ACOXL: variants seen among roughly 807,000 people sequenced by gnomAD.
The protein encoded by ACOXL is acyl-coenzyme A oxidase-like protein.
Under a neutral mutation model 71.9 loss-of-function variants are expected in ACOXL, and 70 were observed. That is an observed-to-expected ratio of 0.97 (90% CI 0.80 to 1.19). The LOEUF (loss-of-function observed/expected upper bound fraction) is 1.19, where lower values mean the gene tolerates loss of function less well. ACOXL is among the 50% of genes most tolerant of loss of function. ACOXL has a pLI of 0.00. For synonymous variants in ACOXL, 253 were observed against 281.6 expected (o/e 0.90, Z 1.02); for missense variants, 703 against 736.3 (o/e 0.95, Z 0.52).
intron 3 of ACOXL, among the ~76,000 whole-genome samples, chr2:110,785,818 T>C (rs1683892557): frequency 6.6e-6 from 1 of 152,204 alleles, no homozygotes; most frequent in South Asian, 2.1e-4. Context: ...GATGAATGAA[T>C]GCTTAACTTT....
At chr2:111,082,270 G>A (rs113845740) in intron 16 of ACOXL, among the ~76,000 whole-genome samples, 12,916 of 151,484 alleles carry the variant, frequency 0.085, 641 homozygotes, top group Non-Finnish European at 0.11. Context: ...CAACCTATCC[G>A]TCTGACAAAG....
At chr2:111,044,437 G>T (rs985268785) in intron 15 of ACOXL, among the ~76,000 whole-genome samples, 3 of 152,236 alleles carry the variant, frequency 2.0e-5, no homozygotes, top group African/African-American at 7.2e-5. Context: ...CATGGGCAGG[G>T]CCCTCTAAAG....
rs56905916 is a variant in ACOXL at position 111,013,522 on chromosome 2, CAA to C, written c.1281+17540_1281+17541del. ...TGGGTGACAGAGGGAGACCCTGTCTCAAAAAAAAAAAAAAAAAAAAAAAGAAG... is the reference window on the plus strand; with the variant it reads ...TGGGTGACAGAGGGAGACCCTGTCTCAAAAAAAAAAAAAAAAAAAAAGAAG... On this transcript the variant is annotated intron_variant, in intron 14 of 17. Transcript: ENST00000439055. Among the ~76,000 whole-genome samples the C allele has an allele frequency of 9.6e-3, 912 of 95,476 alleles. 2 individuals carry two copies. Among genetic ancestry groups the C allele is most frequent in the Middle Eastern group, 0.038 (7 of 184 alleles). 62.6% of individuals were successfully genotyped at this position (95,476 alleles called of 152,430 possible).
intron 17 of ACOXL, among the ~76,000 whole-genome samples, 171 bp from the exon 18 acceptor site, chr2:111,117,445 A>G (rs2070441352): frequency 6.6e-6 from 1 of 152,204 alleles, no homozygotes. Context: ...CTAAAACAAA[A>G]AAGGCTTCCG....
At position 111,089,568 on chromosome 2, in the gene ACOXL, G is replaced by A. The variant is rs78932979; in HGVS notation, c.1441-3297G>A. On this transcript the variant is annotated intron_variant, in intron 16 of 17. Coordinates refer to ENST00000439055, the MANE Select transcript of ACOXL (RefSeq NM_001142807.4). The stretch of plus-strand genomic sequence containing the variant: ...AGAACTCCTTGGGGAGTTCAAGGTA[G>A]GCCATATAAACAAGATGACTTTAAA... Among the ~76,000 whole-genome samples, 37 of 152,154 alleles carry A rather than the reference G, an allele frequency of 2.4e-4. 1 individual carries two copies. In the East Asian group the frequency reaches 6.2e-3, roughly 25 times the overall value.
chr2:110,995,226 ACAG>A (rs2063338036), intron 13 of ACOXL, among the ~76,000 whole-genome samples: 1 of 151,996 alleles, frequency 6.6e-6, no homozygotes, highest in Non-Finnish European at 1.5e-5. Flanking sequence ...GGGGCCAGGC[ACAG>A]TGGCTCATGC....
At chr2:111,040,874 C>G (rs1256626549) in intron 15 of ACOXL, among the ~76,000 whole-genome samples, 1 of 152,096 alleles carries the variant, frequency 6.6e-6, no homozygotes, top group African/African-American at 2.4e-5. Flanking sequence ...CCCACAGGGC[C>G]TGAGTGCCAA....
intron 14 of ACOXL, among the ~76,000 whole-genome samples, chr2:111,015,378 G>A (rs1011309184): frequency 6.6e-6 from 1 of 152,244 alleles, no homozygotes; most frequent in African/African-American, 2.4e-5. Flanking sequence ...CCTAATTTGT[G>A]TTAGTCATCC....
At chr2:110,737,030 A>G (rs1218780600) in intron 1 of ACOXL, among the ~76,000 whole-genome samples, 1 of 151,480 alleles carries the variant, frequency 6.6e-6, no homozygotes, top group Admixed American at 6.6e-5. Context: ...GCATTTTTCT[A>G]TTTTTCTTGG....
At chr2:110,788,511 G>T (rs994320834) in intron 3 of ACOXL, among the ~76,000 whole-genome samples, 2 of 152,144 alleles carry the variant, frequency 1.3e-5, no homozygotes, top group Non-Finnish European at 2.9e-5. Flanking sequence ...TTGCTTAATG[G>T]GTACAGAGTT....
intron 9 of ACOXL, among the ~76,000 whole-genome samples, chr2:110,809,982 T>C (rs1441296347): frequency 1.3e-5 from 2 of 152,176 alleles, no homozygotes; most frequent in Admixed American, 6.5e-5. Flanking sequence ...GATGTCGATG[T>C]CCTCACCAGG....
At chr2:110,736,104 T>C (rs1487864444) in intron 1 of ACOXL, among the ~76,000 whole-genome samples, 2 of 152,214 alleles carry the variant, frequency 1.3e-5, no homozygotes, top group Non-Finnish European at 2.9e-5. Context: ...TTCATGTGTT[T>C]AGCTTTTCCC....
At chr2:111,112,841 TGTCCTTCTGCAGGTAAAG>T (rs879935199) in intron 17 of ACOXL, 1 of 152,206 alleles carries the variant, frequency 6.6e-6, no homozygotes, top group Non-Finnish European at 1.5e-5. Flanking sequence ...GTTGAAGCCT[TGTCCTTCTGCAGGTAAAG>T]GTCCTTCTAG....
intron 9 of ACOXL, among the ~76,000 whole-genome samples, chr2:110,828,796 C>T (rs1437716579): frequency 4.0e-5 from 6 of 151,872 alleles, no homozygotes; most frequent in Non-Finnish European, 8.8e-5. Flanking sequence ...TGAGGAATCA[C>T]CCACTTGTAC....
intron 17 of ACOXL, among the ~76,000 whole-genome samples, chr2:111,094,739 T>C: frequency 6.6e-6 from 1 of 152,208 alleles, no homozygotes; most frequent in African/African-American, 2.4e-5. Context: ...TTTCTCATGA[T>C]TTTGCATTCT....
chr2:110,930,680 G>T (rs993021417), intron 11 of ACOXL, among the ~76,000 whole-genome samples: 3 of 152,178 alleles, frequency 2.0e-5, no homozygotes, highest in African/African-American at 7.2e-5. Flanking sequence ...GAAGGACTCA[G>T]TGGGGGCTAA....
chr2:111,086,541 G>A lies in ACOXL; in HGVS notation c.1441-6324G>A, dbSNP rs191467421. Among the ~76,000 whole-genome samples, 5 of 152,238 alleles carry A rather than the reference G, an allele frequency of 3.3e-5. No individual in the cohort carries two copies. The East Asian group carries it at 9.6e-4, about 29-fold the overall frequency. ...GATTGCATTCCTGATTTGGCTCTCA[G>A]CTTGGATATTGTTGATGTATAGAGG... On this transcript the variant is annotated intron_variant, in intron 16 of 17. Coordinates refer to ENST00000439055, the MANE Select transcript of ACOXL (RefSeq NM_001142807.4).
At chr2:110,827,928 C>T (rs748782380) in intron 9 of ACOXL, among the ~76,000 whole-genome samples, 7 of 152,178 alleles carry the variant, frequency 4.6e-5, no homozygotes, top group Non-Finnish European at 8.8e-5. Flanking sequence ...TTAATGGCAA[C>T]AAAATATTGA....
In ACOXL at chr2:110,766,164, ATCAT is replaced by A. The variant is rs1209630834; in HGVS notation, c.-22-2199_-22-2196del. Among the ~76,000 whole-genome samples the A allele has an allele frequency of 5.6e-4, 86 of 152,232 alleles. 3 individuals are homozygous for A. The highest frequency in any genetic ancestry group is 1.3e-4 in the Non-Finnish European group (9 of 68,020). On this transcript the variant is annotated intron_variant, in intron 1 of 17. Transcript: ENST00000439055. ...GGTGTGGGTATCTGTTGATTTCTTT[ATCAT>A]TCATGTTGTGATGTTCCTTGTTGCT...
Sources: allele counts gnomAD v4.1 joint callset (sites outside exome capture counted in the v4.1 genomes callset), GRCh38; gene constraint gnomAD v4.1.1; transcripts MANE v1.5; gene names NCBI Gene and HGNC (gene_info 2026-07-23, HGNC 2026-07-21).